Variants in CNTN5 observed in about 807,000 individuals in gnomAD.
CNTN5 encodes contactin 5, also known as contactin-5.
Under a neutral mutation model 129.1 loss-of-function variants are expected in CNTN5, and 77 were observed. The ratio of observed to expected loss-of-function variants is 0.60; its 90% confidence interval spans 0.50 to 0.72. The LOEUF is 0.72. CNTN5 is among the 30% of genes least tolerant of loss of function. The pLI is 0.00. For missense variants in CNTN5, 1,478 were observed against 1,328.8 expected, an observed-to-expected ratio of 1.11 and a Z score of -1.75; for synonymous variants, 509 against 465.6, an observed-to-expected ratio of 1.09 and a Z score of -1.20.
intron 13 of CNTN5, among the ~76,000 whole-genome samples, chr11:100,085,380 C>G (rs541723183): frequency 6.6e-6 from 1 of 151,916 alleles, no homozygotes; most frequent in Non-Finnish European, 1.5e-5. Context: ...GGATAACATT[C>G]CCAAAACTCC....
In CNTN5 at chr11:99,949,520, T is replaced by G. The variant is rs148859509; in HGVS notation, c.674-7286T>G. Among the ~76,000 whole-genome samples the G allele has an allele frequency of 1.1e-3, 172 of 152,296 alleles. No homozygotes were observed. The East Asian group carries it at 0.031, about 27-fold the overall frequency. ...GAAACCTGGAGTGAATGCTTTTTAA[T>G]GCAAAGTTTGGAACCTAGGTTGAGA... is the stretch of plus-strand genomic sequence containing the variant. On this transcript the variant is annotated intron_variant, in intron 7 of 24. Coordinates refer to ENST00000524871, the MANE Select transcript of CNTN5 (RefSeq NM_014361.4).
chr11:100,044,219 C>T (rs1192728947), intron 9 of CNTN5, among the ~76,000 whole-genome samples: 3 of 151,400 alleles, frequency 2.0e-5, no homozygotes, highest in Non-Finnish European at 2.9e-5. Flanking sequence ...CTTTAATTTC[C>T]AGTCAGTCAT....
chr11:99,330,280 G>A (rs1009462222), intron 2 of CNTN5, among the ~76,000 whole-genome samples: 2 of 151,236 alleles, frequency 1.3e-5, no homozygotes, highest in Admixed American at 1.3e-4. Context: ...TAAGGGGGAA[G>A]AGCGGGAAGG....
chr11:100,070,240 G>A (rs938376862), intron 10 of CNTN5, among the ~76,000 whole-genome samples, 184 bp from the exon 11 acceptor site: 1 of 151,546 alleles, frequency 6.6e-6, no homozygotes, highest in African/African-American at 2.4e-5. Flanking sequence ...TATCTTCACT[G>A]CTATTTTTTG....
At chr11:99,282,969 C>T (rs563450737) in intron 1 of CNTN5, among the ~76,000 whole-genome samples, 2 of 152,036 alleles carry the variant, frequency 1.3e-5, no homozygotes, top group East Asian at 1.9e-4. Flanking sequence ...AATGTAGGAG[C>T]TAAAATAAAG....
At chr11:100,331,174 G>A (rs1295027071) in intron 21 of CNTN5, among the ~76,000 whole-genome samples, 2 of 152,124 alleles carry the variant, frequency 1.3e-5, no homozygotes, top group African/African-American at 4.8e-5. Context: ...AAGTGAGCAG[G>A]AGTAGATATT....
intron 3 of CNTN5, among the ~76,000 whole-genome samples, chr11:99,634,739 T>A (rs1356666133): frequency 6.6e-6 from 1 of 152,116 alleles, no homozygotes; most frequent in African/African-American, 2.4e-5. Flanking sequence ...CCCAGTCTCT[T>A]CTCTGTCACT....
chr11:99,047,611 T>A (rs1864266158), intron 1 of CNTN5, among the ~76,000 whole-genome samples: 1 of 152,116 alleles, frequency 6.6e-6, no homozygotes, highest in African/African-American at 2.4e-5. Context: ...CATCGATAAA[T>A]TCAGCCATCT....
intron 2 of CNTN5, among the ~76,000 whole-genome samples, chr11:99,491,167 C>A (rs1378318634): frequency 6.6e-6 from 1 of 152,086 alleles, no homozygotes; most frequent in Admixed American, 6.6e-5. Context: ...GATACAAATT[C>A]AATCAATCAT....
chr11:99,895,535 G>C (rs2135928567), intron 6 of CNTN5, among the ~76,000 whole-genome samples: 1 of 152,278 alleles, frequency 6.6e-6, no homozygotes, highest in African/African-American at 2.4e-5. Flanking sequence ...GATTCACCAG[G>C]GAAGTGACAG....
intron 2 of CNTN5, among the ~76,000 whole-genome samples, chr11:99,336,083 T>C (rs1866210851): frequency 6.6e-6 from 1 of 152,192 alleles, no homozygotes; most frequent in African/African-American, 2.4e-5. Flanking sequence ...TAGCCTTTAA[T>C]TTATCGGAGG....
chr11:99,275,326 G>A (rs918646824), intron 1 of CNTN5, among the ~76,000 whole-genome samples: 8 of 151,274 alleles, frequency 5.3e-5, no homozygotes, highest in African/African-American at 1.9e-4. Flanking sequence ...TTAAAACACA[G>A]AAAAATGTAA....
intron 1 of CNTN5, among the ~76,000 whole-genome samples, chr11:99,082,266 A>G (rs1331702738): frequency 6.6e-6 from 1 of 150,524 alleles, no homozygotes; most frequent in Non-Finnish European, 1.5e-5. Context: ...GCTCACTACA[A>G]CCTCCGCCTC....
At chr11:99,600,675 G>A (rs1174274701) in intron 3 of CNTN5, among the ~76,000 whole-genome samples, 1 of 152,146 alleles carries the variant, frequency 6.6e-6, no homozygotes, top group East Asian at 1.9e-4. Flanking sequence ...AGGAAGATGG[G>A]TAGAAGCCAG....
chr11:100,271,043 G>A (rs1950398825), intron 17 of CNTN5, 49 bp from the exon 18 acceptor site: 12 of 1,440,294 alleles, frequency 8.3e-6, no homozygotes, highest in Non-Finnish European at 1.1e-5. Flanking sequence ...GCCATTTGTA[G>A]CATTTTTCTA....
intron 21 of CNTN5, among the ~76,000 whole-genome samples, chr11:100,313,441 C>A (rs1448513536): frequency 5.6e-5 from 5 of 89,624 alleles, no homozygotes; most frequent in Non-Finnish European, 1.4e-4. Flanking sequence ...GTAAATTGTG[C>A]CATTTACAAA....
At chr11:99,301,503 T>C (rs921423629) in intron 1 of CNTN5, among the ~76,000 whole-genome samples, 1 of 151,762 alleles carries the variant, frequency 6.6e-6, no homozygotes, top group African/African-American at 2.4e-5. Context: ...AAGAGGGGCA[T>C]TGTATTATAA....
At chr11:99,987,361 CA>C (rs1565757544) in intron 8 of CNTN5, among the ~76,000 whole-genome samples, 1 of 150,372 alleles carries the variant, frequency 6.7e-6, no homozygotes, top group East Asian at 1.9e-4. Flanking sequence ...TTGGTTTTAC[CA>C]AAAAAAGAAA....
At chr11:99,844,513 T>C (rs951865816) in intron 4 of CNTN5, 1 of 332,422 alleles carries the variant, frequency 3.0e-6, no homozygotes, top group African/African-American at 2.3e-5. Flanking sequence ...TTACAAACTT[T>C]CAGGTTTTTT....
Sources: gnomAD v4.1 joint callset for allele counts (sites outside exome capture counted in the v4.1 genomes callset) on GRCh38, gnomAD v4.1.1 for gene constraint, MANE v1.5 for transcripts, NCBI Gene and HGNC (gene_info 2026-07-23, HGNC 2026-07-21) for gene names.